CTNNA3: variants seen among roughly 807,000 people sequenced by gnomAD.
CTNNA3 encodes catenin alpha-3.
In CTNNA3, 76 loss-of-function variants were observed where a neutral mutation model predicts 95.7. The observed-to-expected ratio is 0.79, with a 90% CI of 0.66 to 0.96. CTNNA3 has a LOEUF of 0.96. Ranked by LOEUF, CTNNA3 falls within the 40% of genes least tolerant of loss-of-function variation. CTNNA3 has a pLI of 0.00. For missense variants in CTNNA3, 1,191 were observed against 1,089.8 expected (o/e 1.09, Z -1.31); for synonymous variants, 431 against 374.4 (o/e 1.15, Z -1.74).
chr10:66,248,247 A>G (rs1023976524), intron 13 of CTNNA3, among the ~76,000 whole-genome samples: 2 of 151,994 alleles, frequency 1.3e-5, no homozygotes, highest in African/African-American at 4.8e-5. Context: ...TATACAACAG[A>G]TACACAAAAC....
At chr10:66,763,093 T>G (rs998458758) in intron 9 of CTNNA3, among the ~76,000 whole-genome samples, 1 of 151,990 alleles carries the variant, frequency 6.6e-6, no homozygotes, top group Non-Finnish European at 1.5e-5. Flanking sequence ...AAGTAGGGGA[T>G]TGGTAAATAG....
intron 11 of CTNNA3, among the ~76,000 whole-genome samples, chr10:66,390,937 T>C (rs2092928922): frequency 6.6e-6 from 1 of 152,150 alleles, no homozygotes; most frequent in Admixed American, 6.6e-5. Context: ...AGTCTTAATA[T>C]ATGTTAGAAA....
intron 11 of CTNNA3, among the ~76,000 whole-genome samples, chr10:66,507,667 G>A (rs776078903): frequency 2.0e-5 from 3 of 151,788 alleles, no homozygotes; most frequent in Non-Finnish European, 2.9e-5. Flanking sequence ...TGTTACCAAC[G>A]ACAATATTTC....
chr10:66,514,939 A>C (rs938058937), intron 11 of CTNNA3, among the ~76,000 whole-genome samples: 2 of 152,088 alleles, frequency 1.3e-5, no homozygotes, highest in African/African-American at 4.8e-5. Context: ...GATCATTGAA[A>C]AACTTTCAGT....
At chr10:67,372,425 A>G (rs534873039) in intron 5 of CTNNA3, among the ~76,000 whole-genome samples, 51 of 152,262 alleles carry the variant, frequency 3.3e-4, no homozygotes, top group Non-Finnish European at 6.2e-4. Context: ...AAGTTTAGAG[A>G]AAAAAGAATA....
intron 13 of CTNNA3, among the ~76,000 whole-genome samples, chr10:66,183,274 A>G (rs1201007252): frequency 6.6e-6 from 1 of 152,182 alleles, no homozygotes; most frequent in African/African-American, 2.4e-5. Context: ...CACCATGCCC[A>G]TGTGTTCCCA....
At chr10:67,063,581 G>A (rs1462344946) in intron 7 of CTNNA3, among the ~76,000 whole-genome samples, 1 of 152,200 alleles carries the variant, frequency 6.6e-6, no homozygotes, top group African/African-American at 2.4e-5. Context: ...ATGAAAGGTT[G>A]GGACCAGTGA....
Position 67,093,720 on chromosome 10 carries a change from A to C in CTNNA3, c.1047+86597T>G, listed in dbSNP as rs558631635. ...TCACAGTCGTTGCCCAAACCTCTGC[A>C]TCAGGTATTTACCCTGGTGTGAAAA... On this transcript the variant is annotated intron_variant, in intron 7 of 17. Coordinates refer to ENST00000433211, the MANE Select transcript of CTNNA3 (RefSeq NM_013266.4). Among the ~76,000 whole-genome samples the C allele has an allele frequency of 1.1e-4, 17 of 152,156 alleles. No homozygotes were observed. In the East Asian group the frequency reaches 3.3e-3, roughly 29 times the overall value.
intron 7 of CTNNA3, among the ~76,000 whole-genome samples, chr10:66,991,191 A>G (rs1473190639): frequency 1.3e-5 from 2 of 152,202 alleles, no homozygotes; most frequent in African/African-American, 4.8e-5. Flanking sequence ...TCAGGGAAGT[A>G]AAAATGTCAC....
At chr10:66,373,137 A>C (rs958747467) in intron 12 of CTNNA3, among the ~76,000 whole-genome samples, 1 of 152,170 alleles carries the variant, frequency 6.6e-6, no homozygotes, top group African/African-American at 2.4e-5. Flanking sequence ...AGATTACTCC[A>C]TGTACCATGT....
intron 7 of CTNNA3, among the ~76,000 whole-genome samples, chr10:67,133,672 G>A (rs1013889578): frequency 6.6e-6 from 1 of 151,970 alleles, no homozygotes; most frequent in Admixed American, 6.6e-5. Context: ...AGTAAATGCA[G>A]CAGATCAACT....
At chr10:67,203,781 C>A (rs989859783) in intron 6 of CTNNA3, among the ~76,000 whole-genome samples, 10 of 152,196 alleles carry the variant, frequency 6.6e-5, no homozygotes, top group Admixed American at 5.9e-4. Context: ...TCCTCATTAA[C>A]AAAGTCCAAA....
intron 13 of CTNNA3, among the ~76,000 whole-genome samples, chr10:66,270,751 A>T (rs1408059290): frequency 6.6e-6 from 1 of 152,086 alleles, no homozygotes; most frequent in Non-Finnish European, 1.5e-5. Flanking sequence ...AGCTGACCTG[A>T]AGAGGCCTCC....
intron 13 of CTNNA3, among the ~76,000 whole-genome samples, chr10:66,265,432 C>T (rs753851912): frequency 1.1e-3 from 165 of 152,072 alleles, no homozygotes; most frequent in Non-Finnish European, 1.9e-3. Flanking sequence ...GATCATGCCC[C>T]TCCCCTGTTA....
At chr10:66,610,538 C>T (rs746358416) in intron 10 of CTNNA3, among the ~76,000 whole-genome samples, 8 of 152,042 alleles carry the variant, frequency 5.3e-5, no homozygotes, top group Non-Finnish European at 1.0e-4. Flanking sequence ...GAATGTTCAA[C>T]ATAACTAGTC....
intron 11 of CTNNA3, among the ~76,000 whole-genome samples, chr10:66,405,137 G>T (rs2132574082): frequency 6.6e-6 from 1 of 152,254 alleles, no homozygotes; most frequent in East Asian, 1.9e-4. Flanking sequence ...CAGAATGAGT[G>T]TCTTTATACA....
chr10:67,604,740 A>T (rs929079902), intron 3 of CTNNA3, among the ~76,000 whole-genome samples: 1 of 152,204 alleles, frequency 6.6e-6, no homozygotes, highest in African/African-American at 2.4e-5. Flanking sequence ...CTTAGACATT[A>T]ATTGGAAGAG....
intron 10 of CTNNA3, among the ~76,000 whole-genome samples, chr10:66,569,907 T>C (rs1022278457): frequency 1.3e-5 from 2 of 152,102 alleles, no homozygotes; most frequent in African/African-American, 4.8e-5. Context: ...AAAAATAATA[T>C]AGGTAGATAT....
chr10:66,380,476 C>G (rs575362040), intron 11 of CTNNA3, among the ~76,000 whole-genome samples: 1 of 151,760 alleles, frequency 6.6e-6, no homozygotes, highest in Non-Finnish European at 1.5e-5. Flanking sequence ...GGAGTAGCAG[C>G]ATGTTGCTGT....
Sources: gnomAD v4.1 joint callset for allele counts (sites outside exome capture counted in the v4.1 genomes callset) on GRCh38, gnomAD v4.1.1 for gene constraint, MANE v1.5 for transcripts, NCBI Gene and HGNC (gene_info 2026-07-23, HGNC 2026-07-21) for gene names.